Variants in HSPE1 observed in about 807,000 individuals in gnomAD.
HSPE1 encodes heat shock protein family E (Hsp10) member 1, also known as 10 kDa heat shock protein, mitochondrial.
In HSPE1, 1 loss-of-function variant was observed where a neutral mutation model predicts 13.2. The observed-to-expected ratio is 0.08, with a 90% CI of 0.03 to 0.36. The LOEUF (loss-of-function observed/expected upper bound fraction) is 0.36, where lower values mean the gene tolerates loss of function less well. HSPE1 is among the 10% of genes least tolerant of loss of function. The pLI, the probability that HSPE1 is intolerant of heterozygous loss-of-function variation, is 0.99. For missense variants in HSPE1, 73 were observed against 118.7 expected, an observed-to-expected ratio of 0.62 and a Z score of 1.79; for synonymous variants, 44 against 42.0, an observed-to-expected ratio of 1.05 and a Z score of -0.19.
intron 2 of HSPE1, 50 bp from the exon 3 acceptor site, chr2:197,502,989 T>C (rs749601737): frequency 6.2e-6 from 6 of 965,888 alleles, no homozygotes; most frequent in Non-Finnish European, 9.8e-6. Flanking sequence ...TAACTGTTTA[T>C]GTTGGGTGAA....
At chr2:197,501,394 A>C in intron 2 of HSPE1, 156 bp downstream of exon 2, 1 of 854,694 alleles carries the variant, frequency 1.2e-6, no homozygotes, top group Non-Finnish European at 1.8e-6. Flanking sequence ...AAGGGAAATG[A>C]CTAATATAAA....
chr2:197,501,365 G>T (rs2086252819), intron 2 of HSPE1, 127 bp downstream of exon 2: 5 of 1,104,720 alleles, frequency 4.5e-6, no homozygotes, highest in Non-Finnish European at 5.1e-6. Context: ...TAACTGCTTT[G>T]GTTCTAATCT....
At position 197,503,166 on chromosome 2, in the gene HSPE1, T is replaced by C. The variant is rs900361053; in HGVS notation, c.258+38T>C. The C allele has an allele frequency of 1.9e-6, 3 of 1,574,282 alleles. No individual in the cohort carries two copies. In the African/African-American group the frequency reaches 4.1e-5, roughly 21 times the overall value. ...AATAATTCTAAAAAGAAGTCAGATA[T>C]TTGCAATTAGTTGTCTTAACTAATG... On this transcript the variant is annotated intron_variant, in intron 3 of 3. Transcript: ENST00000233893.
chr2:197,500,793 A>T (rs577339797), intron 1 of HSPE1: 89 of 580,672 alleles, frequency 1.5e-4, no homozygotes, highest in African/African-American at 1.5e-3. Context: ...GAAAAACCTG[A>T]AGAAGGAAAA....
At chr2:197,502,452 C>T (rs2086269170) in intron 2 of HSPE1, among the ~76,000 whole-genome samples, 1 of 152,156 alleles carries the variant, frequency 6.6e-6, no homozygotes, top group African/African-American at 2.4e-5. Context: ...ATGTTAACTG[C>T]ATTGTTCTAG....
In HSPE1 at chr2:197,500,407, G is replaced by C. The variant is rs370142828; in HGVS notation, c.-30G>C. ...AGTCTCTTTGCGGCGCTACACTAGA[G>C]CAGAGTACGAGTCTGAGGCGGAGGG... On this transcript the variant is annotated 5_prime_UTR_variant, in exon 1 of 4. Transcript: ENST00000233893. 1.9e-5 allele frequency: 31 copies of C among 1,599,152 alleles called. No individual in the cohort carries two copies. The highest frequency in any genetic ancestry group is 2.6e-5 in the Non-Finnish European group (30 of 1,173,592).
intron 1 of HSPE1, chr2:197,500,679 G>A: frequency 1.6e-6 from 1 of 623,758 alleles, no homozygotes; most frequent in Non-Finnish European, 2.8e-6. Context: ...CGCACGCGCA[G>A]CGTCTCACCT....
At chr2:197,501,340 C>T (rs1269274640) in intron 2 of HSPE1, 102 bp downstream of exon 2, 2 of 1,297,566 alleles carry the variant, frequency 1.5e-6, no homozygotes, top group African/African-American at 3.0e-5. Flanking sequence ...GAGTTTATGT[C>T]GTTTTCAAGA....
At position 197,502,918 on chromosome 2, in the gene HSPE1, A is replaced by G. The variant is rs866105314; in HGVS notation, c.169-121A>G. The stretch of plus-strand genomic sequence containing the variant: ...GAGTCGTATCACTTAGCCACGAAAT[A>G]TATTTTTAATATAATTGGATTTGAG... On this transcript the variant is annotated intron_variant, in intron 2 of 3. Coordinates refer to ENST00000233893, the MANE Select transcript of HSPE1 (RefSeq NM_002157.3). The G allele has an allele frequency of 9.1e-5, 59 of 651,226 alleles. No individual in the cohort carries two copies. The Middle Eastern group carries it at 2.9e-3, about 32-fold the overall frequency. The allele number at this position is 651,226 out of a possible 1,614,324, so 40.3% of individuals were successfully genotyped here. A position where few individuals can be genotyped will look rare whatever the true frequency, so the allele number is the denominator to read the frequency against.
At chr2:197,501,820 C>T (rs1350003430) in intron 2 of HSPE1, among the ~76,000 whole-genome samples, 4 of 150,316 alleles carry the variant, frequency 2.7e-5, no homozygotes, top group African/African-American at 9.8e-5. Context: ...CTAGTGTGAT[C>T]AGTGTTTGCC....
In HSPE1 at chr2:197,503,139, TTAA is replaced by T; in HGVS notation, c.258+16_258+18del. 1 of 1,591,004 alleles carries T rather than the reference TTAA, an allele frequency of 6.3e-7. No homozygotes were observed. The highest frequency in any genetic ancestry group is 8.6e-7 in the Non-Finnish European group (1 of 1,159,330). ...GTTCTAGATGACAAGGTGTGTAAAC[TTAA>T]TAATTCTAAAAAGAAGTCAGATATT... On this transcript the variant is annotated intron_variant, in intron 3 of 3. Coordinates refer to ENST00000233893, the MANE Select transcript of HSPE1 (RefSeq NM_002157.3).
Position 197,503,220 on chromosome 2 carries a change from A to G in HSPE1, c.270A>G (p.Leu90=), listed in dbSNP as rs1194780559. 1.9e-6 allele frequency: 3 copies of G among 1,608,920 alleles called. No homozygotes were observed. The highest frequency in any genetic ancestry group is 2.6e-6 in the Non-Finnish European group (3 of 1,176,306). The change falls in exon 4 of 4, where the codon CTA becomes CTG. Residue 90 remains leucine, a synonymous_variant. Transcript: ENST00000233893. Reference sequence around the variant, plus strand: ...TTTTTCACTTGCAGGATTATTTCCTATTTAGAGATGGTGACATTCTTGGAA... The same window carrying G: ...TTTTTCACTTGCAGGATTATTTCCTGTTTAGAGATGGTGACATTCTTGGAA... ...KVVLDDKDYF[L]FRDGDILGKY...
At chr2:197,502,893 G>A (rs2086273786) in intron 2 of HSPE1, 146 bp from the exon 3 acceptor site, 1 of 586,532 alleles carries the variant, frequency 1.7e-6, no homozygotes, top group Non-Finnish European at 3.0e-6. Flanking sequence ...ATTCTAGTAT[G>A]AGTCGTATCA....
chr2:197,503,378 A>G lies in HSPE1; in HGVS notation c.*119A>G. 1.5e-6 allele frequency: 1 copy of G among 669,912 alleles called. No individual in the cohort carries two copies. The highest frequency in any genetic ancestry group is 2.7e-5 in the East Asian group (1 of 37,278). The allele number at this position is 669,912 out of a possible 1,614,324, so 41.5% of individuals were successfully genotyped here. On this transcript the variant is annotated 3_prime_UTR_variant, in exon 4 of 4. Transcript: ENST00000233893. ...TTTTATAATAAACTAATGATAACTA[A>G]TGACATCCAGTGTCTCCAAAATTGT...
rs2086253851 is a variant in HSPE1 at position 197,501,433 on chromosome 2, G to A, written c.168+195G>A. 6.6e-6 allele frequency: 4 copies of A among 607,144 alleles called. No homozygotes were observed. In the Admixed American group the frequency reaches 1.0e-4, roughly 16 times the overall value. The allele number at this position is 607,144 out of a possible 1,614,324, so 37.6% of individuals were successfully genotyped here. ...GCTTATTTTATATGACCAATGCTAT[G>A]ATGCTTATTTTATGTGATAGTTTCA... On this transcript the variant is annotated intron_variant, in intron 2 of 3. Coordinates refer to ENST00000233893, the MANE Select transcript of HSPE1 (RefSeq NM_002157.3).
chr2:197,503,098 T>C lies in HSPE1; in HGVS notation c.228T>C (p.Tyr76=). ...GAGATAAAGTTCTTCTCCCAGAATATGGAGGCACCAAAGTAGTTCTAGATG... is the reference window on the plus strand; with the variant it reads ...GAGATAAAGTTCTTCTCCCAGAATACGGAGGCACCAAAGTAGTTCTAGATG... ...KVGDKVLLPE[Y]GGTKVVLDDK... is the part of the protein sequence containing the mutation. The change falls in exon 3 of 4, where the codon TAT becomes TAC. Residue 76 remains tyrosine, a synonymous_variant. Transcript: ENST00000233893. The C allele has an allele frequency of 1.9e-6, 3 of 1,608,502 alleles. No homozygotes were observed. Among genetic ancestry groups the C allele is most frequent in the Admixed American group, 1.7e-5 (1 of 60,000 alleles).
At chr2:197,500,461 G>A (rs1049408716) in intron 1 of HSPE1, 22 bp downstream of exon 1, 8 of 1,593,242 alleles carry the variant, frequency 5.0e-6, no homozygotes, top group Non-Finnish European at 6.8e-6. Context: ...GTGGCCCCGA[G>A]GCCTGCAGGC....
chr2:197,501,478 C>T (rs2086254360), intron 2 of HSPE1: 5 of 413,520 alleles, frequency 1.2e-5, no homozygotes, highest in Middle Eastern at 7.0e-4. Flanking sequence ...AAATTGTCCT[C>T]AATAGGCCGG....
At chr2:197,502,960 G>A in intron 2 of HSPE1, 79 bp from the exon 3 acceptor site, 2 of 751,832 alleles carry the variant, frequency 2.7e-6, no homozygotes, top group South Asian at 3.1e-5. Flanking sequence ...TGTTTCATTA[G>A]TTGTAGTGAT....
Sources: allele counts gnomAD v4.1 joint callset (sites outside exome capture counted in the v4.1 genomes callset), GRCh38; gene constraint gnomAD v4.1.1; transcripts MANE v1.5; gene names NCBI Gene and HGNC (gene_info 2026-07-23, HGNC 2026-07-21).